ERBB4: variants seen among roughly 807,000 people sequenced by gnomAD.
ERBB4 encodes receptor tyrosine-protein kinase erbB-4.
ERBB4 carries 42 observed loss-of-function variants against 158.0 expected under a neutral mutation model. The observed-to-expected ratio is 0.27, with a 90% CI of 0.21 to 0.34. The LOEUF (loss-of-function observed/expected upper bound fraction) is 0.34, where lower values mean the gene tolerates loss of function less well. Ranked by LOEUF, ERBB4 falls within the 10% of genes least tolerant of loss-of-function variation. The pLI is 1.00. For missense variants in ERBB4, 1,333 were observed against 1,624.1 expected, an observed-to-expected ratio of 0.82 and a Z score of 3.08; for synonymous variants, 583 against 558.7, an observed-to-expected ratio of 1.04 and a Z score of -0.61.
At chr2:212,228,748 T>C (rs1332817095) in intron 1 of ERBB4, among the ~76,000 whole-genome samples, 1 of 152,198 alleles carries the variant, frequency 6.6e-6, no homozygotes, top group African/African-American at 2.4e-5. Context: ...GCACCAGTTA[T>C]CTGGACAGAC....
intron 1 of ERBB4, among the ~76,000 whole-genome samples, chr2:212,278,970 C>T (rs1337910319): frequency 6.6e-6 from 1 of 151,398 alleles, no homozygotes; most frequent in Non-Finnish European, 1.5e-5. Context: ...GGATGGTTTC[C>T]TTTGCATATA....
At chr2:212,104,250 C>T (rs1415460637) in intron 2 of ERBB4, among the ~76,000 whole-genome samples, 3 of 152,068 alleles carry the variant, frequency 2.0e-5, no homozygotes, top group Non-Finnish European at 4.4e-5. Context: ...ATTCAAAGAA[C>T]TGTTTCTATT....
intron 1 of ERBB4, among the ~76,000 whole-genome samples, chr2:212,537,225 T>TC (rs1225670271): frequency 6.6e-6 from 1 of 151,894 alleles, no homozygotes; most frequent in African/African-American, 2.4e-5. Context: ...CCTAAAGCGC[T>TC]CCCTATCGCC....
At chr2:211,459,978 A>T (rs184948094) in intron 20 of ERBB4, among the ~76,000 whole-genome samples, 1 of 152,242 alleles carries the variant, frequency 6.6e-6, no homozygotes, top group East Asian at 1.9e-4. Context: ...TAAAAAATTT[A>T]ATTAGGGCCA....
chr2:211,864,662 G>A (rs1575275529), intron 3 of ERBB4, among the ~76,000 whole-genome samples: 1 of 152,094 alleles, frequency 6.6e-6, no homozygotes, highest in East Asian at 1.9e-4. Flanking sequence ...ATTATGTAAA[G>A]TGATAAAGAT....
intron 1 of ERBB4, among the ~76,000 whole-genome samples, chr2:212,309,264 T>C (rs1291585286): frequency 2.0e-5 from 3 of 150,980 alleles, no homozygotes; most frequent in African/African-American, 4.8e-5. Flanking sequence ...TTAGTCTGTT[T>C]TGATTTTCCA....
intron 4 of ERBB4, among the ~76,000 whole-genome samples, chr2:211,769,635 G>A (rs1227174110): frequency 1.3e-5 from 2 of 152,164 alleles, no homozygotes; most frequent in African/African-American, 2.4e-5. Context: ...AAGTAGGGAA[G>A]CCAACTGTCC....
chr2:211,870,645 A>G (rs1171101123), intron 3 of ERBB4, among the ~76,000 whole-genome samples: 2 of 152,178 alleles, frequency 1.3e-5, no homozygotes, highest in Non-Finnish European at 2.9e-5. Context: ...GTTATAGTGC[A>G]TGTGAAGCAC....
At chr2:211,499,539 C>T (rs2065563504) in intron 20 of ERBB4, among the ~76,000 whole-genome samples, 1 of 151,882 alleles carries the variant, frequency 6.6e-6, no homozygotes, top group Non-Finnish European at 1.5e-5. Context: ...CAAAACAAAA[C>T]AAAGCAAACA....
chr2:211,805,906 A>G (rs530916017), intron 3 of ERBB4, among the ~76,000 whole-genome samples: 1 of 151,846 alleles, frequency 6.6e-6, no homozygotes, highest in African/African-American at 2.4e-5. Flanking sequence ...ATAATATTTA[A>G]CAAAATTGAA....
At chr2:211,548,907 C>T (rs73075155) in intron 20 of ERBB4, among the ~76,000 whole-genome samples, 3,798 of 152,098 alleles carry the variant, frequency 0.025, 161 homozygotes, top group African/African-American at 0.087. Flanking sequence ...CTGAACTAGA[C>T]CTTCTGGGGC....
rs979036748 is a variant in ERBB4, at chr2:211,679,279, A to G, written c.1490-95T>C. ...ATGCTATTTCTAAAGGAGTTCACTT[A>G]AAAGAGATATATGGCAAATGACTTT... On this transcript the variant is annotated intron_variant, in intron 12 of 27. Transcript: ENST00000342788. 4.0e-5 allele frequency: 57 copies of G among 1,407,604 alleles called. 1 individual carries two copies. In the African/African-American group the frequency reaches 5.8e-4, roughly 14 times the overall value. 87.2% of individuals were successfully genotyped at this position (1,407,604 alleles called of 1,614,324 possible). A position where few individuals can be genotyped will look rare whatever the true frequency, so the allele number is the denominator to read the frequency against.
At chr2:212,153,655 G>C (rs2080942636) in intron 1 of ERBB4, among the ~76,000 whole-genome samples, 1 of 152,028 alleles carries the variant, frequency 6.6e-6, no homozygotes, top group African/African-American at 2.4e-5. Flanking sequence ...GAAAGTGATG[G>C]CAAAAACTGC....
In ERBB4 at chr2:212,056,098, T is replaced by A. The variant is rs1190990972; in HGVS notation, c.234+68654A>T. On this transcript the variant is annotated intron_variant, in intron 2 of 27. Transcript: ENST00000342788. Reference sequence around the variant, plus strand: ...AAGTCCTTAAATGACCTGATGGAGCTGAAAAACATGGCACGAGAACTACGT... The same window carrying A: ...AAGTCCTTAAATGACCTGATGGAGCAGAAAAACATGGCACGAGAACTACGT... 2.0e-5 allele frequency among the ~76,000 whole-genome samples: 3 copies of A among 152,270 alleles called. No homozygotes were observed. The East Asian group carries it at 5.8e-4, about 29-fold the overall frequency.
At chr2:211,546,311 A>G (rs2066937856) in intron 20 of ERBB4, among the ~76,000 whole-genome samples, 1 of 152,108 alleles carries the variant, frequency 6.6e-6, no homozygotes, top group South Asian at 2.1e-4. Flanking sequence ...AATAATACAT[A>G]TGCATACATA....
At chr2:211,506,449 A>G (rs73071140) in intron 20 of ERBB4, among the ~76,000 whole-genome samples, 8,270 of 150,494 alleles carry the variant, frequency 0.055, 745 homozygotes, top group African/African-American at 0.19. Flanking sequence ...CAACAACCAC[A>G]GAGTATCCTT....
intron 4 of ERBB4, among the ~76,000 whole-genome samples, chr2:211,780,793 G>C (rs1005077968): frequency 6.6e-6 from 1 of 152,028 alleles, no homozygotes; most frequent in East Asian, 1.9e-4. Context: ...ATTAAAACAG[G>C]TCCATAAAAA....
chr2:211,527,208 C>G (rs1013031117), intron 20 of ERBB4, among the ~76,000 whole-genome samples: 1 of 151,876 alleles, frequency 6.6e-6, no homozygotes, highest in South Asian at 2.1e-4. Context: ...AGAAAAGAAA[C>G]AAACAACAAA....
At chr2:212,524,715 G>A (rs1294382596) in intron 1 of ERBB4, among the ~76,000 whole-genome samples, 1 of 151,840 alleles carries the variant, frequency 6.6e-6, no homozygotes, top group Non-Finnish European at 1.5e-5. Flanking sequence ...ACATAAAACA[G>A]GTGTCTATGC....
Sources: gnomAD v4.1 joint callset for allele counts (sites outside exome capture counted in the v4.1 genomes callset) on GRCh38, gnomAD v4.1.1 for gene constraint, MANE v1.5 for transcripts, NCBI Gene and HGNC (gene_info 2026-07-23, HGNC 2026-07-21) for gene names.